Variants in XYLB observed in about 807,000 individuals in gnomAD.
The protein encoded by XYLB is xylulose kinase.
XYLB carries 62 observed loss-of-function variants against 78.7 expected under a neutral mutation model. The observed-to-expected ratio is 0.79, with a 90% CI of 0.64 to 0.97. XYLB has a LOEUF of 0.97. Among genes scored for constraint, XYLB ranks in the 50% least tolerant of loss-of-function variants. XYLB has a pLI of 0.00. For missense variants in XYLB, 687 were observed against 676.8 expected, an observed-to-expected ratio of 1.02 and a Z score of -0.17; for synonymous variants, 245 against 247.4, an observed-to-expected ratio of 0.99 and a Z score of 0.09.
chr3:38,448,417 A>T, the XYLB span, among the ~76,000 whole-genome samples: 8 of 152,206 alleles, frequency 5.3e-5, no homozygotes, highest in Non-Finnish European at 8.8e-5. Context: ...ATGCAACAAA[A>T]TTTCTCATGT....
intron 7 of XYLB, 96 bp downstream of exon 7, chr3:38,366,969 T>C: frequency 1.3e-6 from 1 of 779,370 alleles, no homozygotes; most frequent in Non-Finnish European, 2.2e-6. Flanking sequence ...ACTGAAAACA[T>C]TGATAAGCAG....
chr3:38,397,847 T>C (rs961251476), intron 17 of XYLB, among the ~76,000 whole-genome samples: 1 of 145,848 alleles, frequency 6.9e-6, no homozygotes, highest in African/African-American at 2.5e-5. Flanking sequence ...TGAGACGGAG[T>C]CTTGCTCTGT....
At chr3:38,382,673 G>A (rs1352057632) in intron 15 of XYLB, among the ~76,000 whole-genome samples, 3 of 152,194 alleles carry the variant, frequency 2.0e-5, no homozygotes, top group African/African-American at 7.2e-5. Context: ...AGTTGGTGGA[G>A]TGCCTGGCAG....
At chr3:38,442,865 G>T in the XYLB span, among the ~76,000 whole-genome samples, 28 of 151,832 alleles carry the variant, frequency 1.8e-4, no homozygotes, top group African/African-American at 5.6e-4. Context: ...GATTTGGATT[G>T]GGCGGGCATT....
chr3:38,435,362 T>C, the XYLB span, among the ~76,000 whole-genome samples: 2 of 152,062 alleles, frequency 1.3e-5, no homozygotes, highest in African/African-American at 4.8e-5. Context: ...CATTTTATAA[T>C]GATAAAGGAA....
At chr3:38,433,200 G>T in the XYLB span, among the ~76,000 whole-genome samples, 2 of 152,236 alleles carry the variant, frequency 1.3e-5, no homozygotes, top group African/African-American at 4.8e-5. Context: ...CACAGCCCAA[G>T]CTGTACCATG....
intron 2 of XYLB, among the ~76,000 whole-genome samples, chr3:38,359,922 C>T (rs1705875757): frequency 6.6e-6 from 1 of 152,154 alleles, no homozygotes; most frequent in Non-Finnish European, 1.5e-5. Flanking sequence ...AGTCAAACTT[C>T]CAAAGCCTGT....
chr3:38,366,136 A>G (rs1489973152), intron 6 of XYLB, among the ~76,000 whole-genome samples: 2 of 152,006 alleles, frequency 1.3e-5, no homozygotes, highest in Non-Finnish European at 2.9e-5. Flanking sequence ...AGGAAAAAAA[A>G]TAATAGTGTC....
chr3:38,407,422 C>A (rs926908669), intron 18 of XYLB, among the ~76,000 whole-genome samples: 4 of 152,202 alleles, frequency 2.6e-5, no homozygotes, highest in African/African-American at 7.2e-5. Context: ...CCAGCCACTG[C>A]AAAATCATGC....
chr3:38,357,364 T>C (rs1705709871), intron 2 of XYLB, among the ~76,000 whole-genome samples: 1 of 150,800 alleles, frequency 6.6e-6, no homozygotes, highest in Non-Finnish European at 1.5e-5. Context: ...CCACCAGTGG[T>C]AGATGGTGCC....
intron 18 of XYLB, among the ~76,000 whole-genome samples, chr3:38,408,161 G>T (rs906575018): frequency 6.6e-6 from 1 of 151,628 alleles, no homozygotes; most frequent in Admixed American, 6.6e-5. Flanking sequence ...AAACGTAAAA[G>T]AACAGAAATT....
chr3:38,374,360 G>C (rs1445268312), intron 10 of XYLB, 102 bp from the exon 11 acceptor site: 10 of 1,544,934 alleles, frequency 6.5e-6, no homozygotes, highest in Non-Finnish European at 8.9e-6. Context: ...TGTGGGTGGG[G>C]GTTGGAGGTG....
At chr3:38,363,074 G>A in intron 4 of XYLB, 57 bp downstream of exon 4, 2 of 1,378,034 alleles carry the variant, frequency 1.5e-6, no homozygotes, top group Admixed American at 2.7e-5. Context: ...GGGCAATGGT[G>A]TGGGTGTTGA....
At position 38,397,060 on chromosome 3, in the gene XYLB, T is replaced by C. The variant is rs1707901306; in HGVS notation, c.1351-12T>C. 1 of 1,614,090 alleles carries C rather than the reference T, an allele frequency of 6.2e-7. No individual in the cohort carries two copies. Among genetic ancestry groups the C allele is most frequent in the Non-Finnish European group, 8.5e-7 (1 of 1,179,944 alleles). ...ATGGCTCACCACAGTAGAACCTCTG[T>C]GTCCTTTTCAGGTGCTTGCAGATGT... On this transcript the variant is annotated splice_polypyrimidine_tract_variant and intron_variant, in intron 16 of 18. Coordinates refer to ENST00000207870, the MANE Select transcript of XYLB (RefSeq NM_005108.4).
chr3:38,371,750 G>A (rs1398799317), intron 9 of XYLB, among the ~76,000 whole-genome samples: 1 of 152,202 alleles, frequency 6.6e-6, no homozygotes, highest in Non-Finnish European at 1.5e-5. Context: ...GAGGCAGAAT[G>A]TCAAAGCCAA....
chr3:38,432,899 C>G, the XYLB span, among the ~76,000 whole-genome samples: 1 of 152,190 alleles, frequency 6.6e-6, no homozygotes, highest in Non-Finnish European at 1.5e-5. Flanking sequence ...GTCAGTGAAT[C>G]TACCACTCTG....
At chr3:38,412,829 G>T in intron 18 of XYLB, 107 bp from the exon 19 acceptor site, 1 of 960,834 alleles carries the variant, frequency 1.0e-6, no homozygotes, top group Non-Finnish European at 1.6e-6. Context: ...CAGAAAAAAA[G>T]TTAAATTGCA....
intron 18 of XYLB, among the ~76,000 whole-genome samples, chr3:38,407,453 G>A (rs1053417562): frequency 6.6e-6 from 1 of 152,120 alleles, no homozygotes; most frequent in Non-Finnish European, 1.5e-5. Context: ...AGACCATCGA[G>A]GCTAGGAAGA....
At chr3:38,420,432 G>A (rs186452167) in exon 18 of XYLB, among the ~76,000 whole-genome samples, 79 of 152,298 alleles carry the variant, frequency 5.2e-4, no homozygotes, top group Non-Finnish European at 8.2e-4. Context: ...GCCCTCCATC[G>A]GGCTAAGAAA....
Sources: gnomAD v4.1 joint callset for allele counts (sites outside exome capture counted in the v4.1 genomes callset) on GRCh38, gnomAD v4.1.1 for gene constraint, MANE v1.5 for transcripts, NCBI Gene and HGNC (gene_info 2026-07-23, HGNC 2026-07-21) for gene names.